CAST: variants seen among roughly 807,000 people sequenced by gnomAD.
The protein encoded by CAST is MIR583 host.
In CAST, 76 loss-of-function variants were observed where a neutral mutation model predicts 119.6. That is an observed-to-expected ratio of 0.64 (90% CI 0.53 to 0.77). The LOEUF (loss-of-function observed/expected upper bound fraction) is 0.77, where lower values mean the gene tolerates loss of function less well. Ranked by LOEUF, CAST falls within the 30% of genes least tolerant of loss-of-function variation. The pLI is 0.00. For synonymous variants in CAST, 319 were observed against 331.6 expected (o/e 0.96, Z 0.41); for missense variants, 953 against 946.5 (o/e 1.01, Z -0.09).
chr5:96,344,049 T>G, the CAST span, among the ~76,000 whole-genome samples: 1 of 152,224 alleles, frequency 6.6e-6, no homozygotes, highest in African/African-American at 2.4e-5. Context: ...GAATGTAATT[T>G]TACACTTACC....
chr5:96,561,482 C>CA, intron 1 of CAST, among the ~76,000 whole-genome samples: 1 of 150,692 alleles, frequency 6.6e-6, no homozygotes, highest in East Asian at 2.0e-4. Flanking sequence ...ACCAAACACT[C>CA]ATGCTCTCAC....
chr5:96,406,420 G>A, the CAST span, among the ~76,000 whole-genome samples: 1 of 152,078 alleles, frequency 6.6e-6, no homozygotes, highest in Non-Finnish European at 1.5e-5. Flanking sequence ...CTTTTCTGGA[G>A]GGCCCAATAT....
the CAST span, among the ~76,000 whole-genome samples, chr5:96,163,193 C>T: frequency 6.6e-6 from 1 of 152,112 alleles, no homozygotes; most frequent in African/African-American, 2.4e-5. Flanking sequence ...ACATTGTCTT[C>T]TCTTATAATC....
At chr5:96,463,435 T>C in the CAST span, among the ~76,000 whole-genome samples, 1 of 152,096 alleles carries the variant, frequency 6.6e-6, no homozygotes, top group Non-Finnish European at 1.5e-5. Flanking sequence ...ACACAGCTTC[T>C]TGGGGAAACC....
chr5:96,174,141 G>T, the CAST span, among the ~76,000 whole-genome samples: 2 of 152,076 alleles, frequency 1.3e-5, no homozygotes, highest in Non-Finnish European at 2.9e-5. Flanking sequence ...TCTGAGGAAG[G>T]TCCTCCTATC....
intron 1 of CAST, among the ~76,000 whole-genome samples, chr5:96,553,800 C>T (rs1299416488): frequency 6.6e-6 from 1 of 152,154 alleles, no homozygotes; most frequent in Non-Finnish European, 1.5e-5. Context: ...AACTCCCATT[C>T]TCAATTGCTA....
the CAST span, chr5:96,432,205 C>A: frequency 2.1e-5 from 28 of 1,320,672 alleles, no homozygotes; most frequent in Non-Finnish European, 2.9e-5. Context: ...CAGTGAAAAG[C>A]CGGAGCTCCC....
chr5:96,146,261 G>A, the CAST span, among the ~76,000 whole-genome samples: 3 of 152,224 alleles, frequency 2.0e-5, no homozygotes, highest in Non-Finnish European at 4.4e-5. Flanking sequence ...TCTGCTGACC[G>A]CATGTGATAT....
chr5:96,458,529 C>A, the CAST span, among the ~76,000 whole-genome samples: 1 of 152,086 alleles, frequency 6.6e-6, no homozygotes, highest in African/African-American at 2.4e-5. Context: ...TGTCATCACC[C>A]ACCACAATTT....
At chr5:96,011,859 A>C in the CAST span, among the ~76,000 whole-genome samples, 1 of 152,290 alleles carries the variant, frequency 6.6e-6, no homozygotes, top group East Asian at 1.9e-4. Flanking sequence ...GAATTATGCC[A>C]GGTGTTTAGA....
At chr5:96,561,796 G>GTTTTTTTGTT (rs1267067922) in intron 1 of CAST, among the ~76,000 whole-genome samples, 22 of 97,398 alleles carry the variant, frequency 2.3e-4, no homozygotes, top group East Asian at 7.2e-4. Flanking sequence ...GTTTTTTTTT[G>GTTTTTTTGTT]TTTTTTTTTT....
chr5:96,002,517 T>C, the CAST span, among the ~76,000 whole-genome samples: 3 of 152,152 alleles, frequency 2.0e-5, no homozygotes. Flanking sequence ...ATATACTGGA[T>C]CTTATCTGGG....
At chr5:96,219,835 G>A in the CAST span, among the ~76,000 whole-genome samples, 1 of 152,098 alleles carries the variant, frequency 6.6e-6, no homozygotes, top group Non-Finnish European at 1.5e-5. Context: ...AAAGAGAAAG[G>A]TAGGTGGTTG....
chr5:96,592,384 G>C (rs1746977675), intron 1 of CAST, among the ~76,000 whole-genome samples: 1 of 152,076 alleles, frequency 6.6e-6, no homozygotes, highest in African/African-American at 2.4e-5. Flanking sequence ...CTAGGTGACA[G>C]AGCTAGACTT....
At chr5:96,484,389 T>C in the CAST span, among the ~76,000 whole-genome samples, 15 of 152,180 alleles carry the variant, frequency 9.9e-5, no homozygotes, top group Admixed American at 7.9e-4. Flanking sequence ...AACACTATAC[T>C]TTGCCCTTCT....
At chr5:96,661,583 AG>A (rs1397067826), upstream of CAST, among the ~76,000 whole-genome samples, 1 of 152,190 alleles carries the variant, frequency 6.6e-6, no homozygotes, top group Non-Finnish European at 1.5e-5. Context: ...CAGCAACTGC[AG>A]GCTGACAGTT....
In CAST at chr5:96,609,400, C is replaced by T. The variant is rs566576316; in HGVS notation, c.61-66139C>T. ...GGATTTTTATGGACTTTGAGATAAACCATTTAAAGCGGTGCTTTCCAAACC... is the reference window on the plus strand; with the variant it reads ...GGATTTTTATGGACTTTGAGATAAATCATTTAAAGCGGTGCTTTCCAAACC... On this transcript the variant is annotated intron_variant, in intron 1 of 11. Transcript: ENST00000505143. Among the ~76,000 whole-genome samples the T allele has an allele frequency of 2.7e-5, 4 of 150,196 alleles. 1 individual carries two copies. The South Asian group carries it at 8.3e-4, about 31-fold the overall frequency.
Position 96,645,238 on chromosome 5 carries a change from G to A in CAST, c.61-30301G>A, listed in dbSNP as rs1484433758. Among the ~76,000 whole-genome samples, 4 of 152,142 alleles carry A rather than the reference G, an allele frequency of 2.6e-5. No homozygotes were observed. The East Asian group carries it at 7.7e-4, about 29-fold the overall frequency. ...TATCTGATGTTTTTCTCATGAGTAG[G>A]CTGGAGTTATGAGTCTGGGGAAGAT... is the stretch of plus-strand genomic sequence containing the variant. On this transcript the variant is annotated intron_variant, in intron 1 of 11. Transcript: ENST00000505143.
At chr5:96,069,216 CAT>C in the CAST span, among the ~76,000 whole-genome samples, 1 of 151,296 alleles carries the variant, frequency 6.6e-6, no homozygotes, top group Non-Finnish European at 1.5e-5. Flanking sequence ...TGTATATATA[CAT>C]ATATATGTGT....
Sources: gnomAD v4.1 joint callset for allele counts (sites outside exome capture counted in the v4.1 genomes callset) on GRCh38, gnomAD v4.1.1 for gene constraint, MANE v1.5 for transcripts, NCBI Gene and HGNC (gene_info 2026-07-23, HGNC 2026-07-21) for gene names.